The following NXPE1 variants were observed in gnomAD, a reference collection of about 807,000 sequenced individuals.
NXPE1 encodes the protein neurexophilin and PC-esterase domain family member 1.
NXPE1 carries 31 observed loss-of-function variants against 33.3 expected under a neutral mutation model. The observed-to-expected ratio is 0.93, with a 90% confidence interval of 0.70 to 1.26. NXPE1 has a LOEUF of 1.26. Ranked by LOEUF, NXPE1 falls within the 50% of genes most tolerant of loss-of-function variation. NXPE1 has a pLI of 0.00. For synonymous variants in NXPE1, 229 were observed against 231.4 expected, an observed-to-expected ratio of 0.99 and a Z score of 0.09; for missense variants, 661 against 655.6, an observed-to-expected ratio of 1.01 and a Z score of -0.09.
At chr11:114,520,777 G>C (rs1311648786), downstream of NXPE1, among the ~76,000 whole-genome samples, 1 of 151,986 alleles carries the variant, frequency 6.6e-6, no homozygotes, top group Non-Finnish European at 1.5e-5. Context: ...CTCATTTTTA[G>C]CAGGCACCTA....
At chr11:114,530,373 C>G in exon 6 of NXPE1, 1 of 1,614,172 alleles carries the variant, frequency 6.2e-7, no homozygotes, top group Non-Finnish European at 8.5e-7. Flanking sequence ...ATGAGAGGTG[C>G]CATTAACAAA....
At chr11:114,525,745 C>A (rs190588480) in intron 7 of NXPE1, among the ~76,000 whole-genome samples, 2 of 152,116 alleles carry the variant, frequency 1.3e-5, no homozygotes, top group African/African-American at 4.8e-5. Flanking sequence ...CTTGCTTGCC[C>A]GCCCTGTAGG....
At chr11:114,545,170 C>T (rs1472314638) in intron 5 of NXPE1, among the ~76,000 whole-genome samples, 1 of 152,140 alleles carries the variant, frequency 6.6e-6, no homozygotes, top group Non-Finnish European at 1.5e-5. Flanking sequence ...TCTTATAAAG[C>T]TAAACATAGT....
chr11:114,524,128 T>C (rs1055237095), intron 7 of NXPE1, among the ~76,000 whole-genome samples: 7 of 152,144 alleles, frequency 4.6e-5, no homozygotes, highest in African/African-American at 1.7e-4. Flanking sequence ...AAAGTTCGGC[T>C]AGTAGTAAGG....
chr11:114,521,295 C>T (rs7103827), downstream of NXPE1, among the ~76,000 whole-genome samples: 34,616 of 152,104 alleles, frequency 0.23, 5,561 homozygotes, highest in African/African-American at 0.45. Flanking sequence ...TTTTGTATTG[C>T]TATGACCTCA....
At chr11:114,526,162 G>A (rs114740892) in intron 7 of NXPE1, among the ~76,000 whole-genome samples, 128 of 152,260 alleles carry the variant, frequency 8.4e-4, no homozygotes, top group African/African-American at 2.9e-3. Flanking sequence ...TAAAAACCTG[G>A]AATAAGCAAA....
chr11:114,540,837 CT>C (rs142403291), intron 5 of NXPE1, among the ~76,000 whole-genome samples: 2 of 47,472 alleles, frequency 4.2e-5, no homozygotes, highest in Non-Finnish European at 9.3e-5. Context: ...AGAAAGCCAT[CT>C]TTTTTTTTTT....
In NXPE1 at chr11:114,522,468, AG is replaced by A. The variant is rs776796851; in HGVS notation, c.1143del (p.Phe382LeufsTer32). The stretch of plus-strand genomic sequence containing the variant: ...GCATCCAGAAGCAAATGTTTCTTAA[AG>A]ATTCCAGTTTCATGAAGATCAAAAA... On this transcript the variant is annotated frameshift_variant, in exon 9 of 9. Transcript: ENST00000534921. LOFTEE classifies it low-confidence loss of function (END_TRUNC). 6.2e-7 allele frequency: 1 copy of A among 1,608,796 alleles called. No homozygotes were observed.
exon 6 of NXPE1, chr11:114,530,188 T>C: frequency 6.2e-7 from 1 of 1,605,662 alleles, no homozygotes; most frequent in Non-Finnish European, 8.5e-7. Flanking sequence ...TGGAAAAGGC[T>C]GTTTTCCTTG....
intron 1 of NXPE1, among the ~76,000 whole-genome samples, chr11:114,558,826 G>A (rs1948715372): frequency 6.6e-6 from 1 of 152,122 alleles, no homozygotes; most frequent in African/African-American, 2.4e-5. Context: ...ATTCATTCTG[G>A]ATACATCACA....
At chr11:114,542,521 T>C (rs892463748) in intron 5 of NXPE1, among the ~76,000 whole-genome samples, 1 of 152,166 alleles carries the variant, frequency 6.6e-6, no homozygotes, top group Admixed American at 6.5e-5. Context: ...GCAATGGTTG[T>C]GTGCTCTGAC....
chr11:114,520,375 C>A (rs1259129026), downstream of NXPE1, among the ~76,000 whole-genome samples: 1 of 152,044 alleles, frequency 6.6e-6, no homozygotes, highest in East Asian at 1.9e-4. Context: ...TTATTTCTTT[C>A]CTTCAATATT....
chr11:114,526,312 A>G (rs912504211), intron 7 of NXPE1, among the ~76,000 whole-genome samples: 3 of 152,232 alleles, frequency 2.0e-5, no homozygotes, highest in African/African-American at 7.2e-5. Flanking sequence ...CCACTTTATT[A>G]TAGCAGCAAT....
intron 5 of NXPE1, among the ~76,000 whole-genome samples, chr11:114,538,286 G>A (rs1224918246): frequency 1.3e-5 from 2 of 152,148 alleles, no homozygotes; most frequent in Non-Finnish European, 2.9e-5. Context: ...ATTCAAGATG[G>A]ATTAAAGACT....
intron 6 of NXPE1, chr11:114,529,412 A>G (rs1484704969): frequency 6.6e-6 from 1 of 152,266 alleles, no homozygotes; most frequent in Non-Finnish European, 1.5e-5. Flanking sequence ...GTTTCATTCT[A>G]ATCAACAAAG....
At chr11:114,557,640 T>C (rs998755626) in intron 1 of NXPE1, among the ~76,000 whole-genome samples, 1 of 9,906 alleles carries the variant, frequency 1.0e-4, no homozygotes, top group Non-Finnish European at 1.6e-4. Flanking sequence ...AATACATATA[T>C]ATATATATAT....
At chr11:114,543,090 C>T (rs1467588581) in intron 5 of NXPE1, among the ~76,000 whole-genome samples, 1 of 151,850 alleles carries the variant, frequency 6.6e-6, no homozygotes, top group Admixed American at 6.6e-5. Flanking sequence ...ACTGTCTCTA[C>T]AAAATACATA....
At chr11:114,529,488 G>C (rs1947496216) in intron 6 of NXPE1, 1 of 152,248 alleles carries the variant, frequency 6.6e-6, no homozygotes, top group South Asian at 2.1e-4. Flanking sequence ...GGGGAGAAAA[G>C]CATGGCATTG....
At chr11:114,533,772 A>C (rs1360290023) in intron 5 of NXPE1, among the ~76,000 whole-genome samples, 5 of 152,220 alleles carry the variant, frequency 3.3e-5, no homozygotes, top group Non-Finnish European at 7.3e-5. Context: ...TTGAGTAGGT[A>C]AACAAAGCGG....
Sources: allele counts gnomAD v4.1 joint callset (sites outside exome capture counted in the v4.1 genomes callset), GRCh38; gene constraint gnomAD v4.1.1; transcripts MANE v1.5; gene names NCBI Gene and HGNC (gene_info 2026-07-23, HGNC 2026-07-21).